Variants in RPAIN observed in about 807,000 individuals in gnomAD.
The protein encoded by RPAIN is RPA-interacting protein.
Under a neutral mutation model 30.5 loss-of-function variants are expected in RPAIN, and 29 were observed. The observed-to-expected ratio is 0.95, with a 90% CI of 0.71 to 1.30. RPAIN has a LOEUF of 1.30. Ranked by LOEUF, RPAIN falls within the 50% of genes most tolerant of loss-of-function variation. The probability of loss-of-function intolerance (pLI) is 0.00; values close to 1 mark genes in which losing one functional copy is unlikely to be tolerated. For missense variants in RPAIN, 247 were observed against 264.7 expected (o/e 0.93, Z 0.46); for synonymous variants, 101 against 93.5 (o/e 1.08, Z -0.46).
rs78172893 is a variant in RPAIN, at chr17:5,423,993, T to A, written c.313+1164T>A. ...ACAAAAAATTATTTTATTTATGTAT[T>A]TTTTTTTTTTTTGAGATAGGTTCTT... On this transcript the variant is annotated intron_variant, in intron 3 of 6. Transcript: ENST00000381209. Among the ~76,000 whole-genome samples the A allele has an allele frequency of 2.7e-4, 22 of 81,370 alleles. No individual in the cohort carries two copies. The East Asian group carries it at 0.057, about 212-fold the overall frequency. The allele number at this position is 81,370 out of a possible 152,430, so 53.4% of individuals were successfully genotyped here.
chr17:5,428,370 T>C, intron 6 of RPAIN, 159 bp downstream of exon 6: 6 of 1,513,244 alleles, frequency 4.0e-6, no homozygotes, highest in Non-Finnish European at 5.3e-6. Context: ...ACAAGTCATT[T>C]AGACTCAAAG....
At chr17:5,427,087 G>C (rs1035192319) in intron 5 of RPAIN, 3 of 152,102 alleles carry the variant, frequency 2.0e-5, no homozygotes, top group African/African-American at 7.2e-5. Context: ...AAATTTATTT[G>C]CCAGCCTTTG....
intron 3 of RPAIN, among the ~76,000 whole-genome samples, chr17:5,423,965 A>G (rs1298116382): frequency 6.6e-6 from 1 of 150,590 alleles, no homozygotes; most frequent in Non-Finnish European, 1.5e-5. Context: ...TGATAAAAAC[A>G]AGACAAAAAA....
At chr17:5,428,769 G>A in intron 6 of RPAIN, 1 of 1,000,516 alleles carries the variant, frequency 1.0e-6, no homozygotes, top group Non-Finnish European at 1.2e-6. Context: ...GTGTATGTAT[G>A]TATGTACATG....
At position 5,424,028 on chromosome 17, in the gene RPAIN, C is replaced by T. The variant is rs147616295; in HGVS notation, c.313+1199C>T. On this transcript the variant is annotated intron_variant, in intron 3 of 6. Coordinates refer to ENST00000381209, the MANE Select transcript of RPAIN (RefSeq NM_001033002.4). The stretch of plus-strand genomic sequence containing the variant: ...TTTGAGATAGGTTCTTGCTCTGTTG[C>T]CCAGGCTGGAGTGCAGTGATGTAAT... Among the ~76,000 whole-genome samples, 1,391 of 150,300 alleles carry T rather than the reference C, an allele frequency of 9.3e-3. 31 individuals carry two copies. The highest frequency in any genetic ancestry group is 0.056 in the Admixed American group (848 of 15,060).
chr17:5,432,691 T>A lies in RPAIN; in HGVS notation c.*120T>A. 9.3e-7 allele frequency: 1 copy of A among 1,080,692 alleles called. No individual in the cohort carries two copies. Among genetic ancestry groups the A allele is most frequent in the Non-Finnish European group, 1.4e-6 (1 of 735,124 alleles). The allele number at this position is 1,080,692 out of a possible 1,614,324, so 66.9% of individuals were successfully genotyped here. ...TTGTATTGAAACTTTTAAACAATAC[T>A]GAAGAAAAAAAAACTTTTCCGACAT... On this transcript the variant is annotated 3_prime_UTR_variant, in exon 7 of 7. Transcript: ENST00000381209.
At chr17:5,425,831 G>C in intron 3 of RPAIN, 140 bp from the exon 4 acceptor site, 1 of 613,970 alleles carries the variant, frequency 1.6e-6, no homozygotes, top group Non-Finnish European at 2.9e-6. Context: ...GCCTGAGAGA[G>C]CATAAAAACC....
rs1227671255 is a variant in RPAIN, at chr17:5,425,984, C to T, written c.327C>T (p.Ile109=). ...QELINQEQSI[I]SEYEKSLQFD... ...TTTGCCTTGCAGAGCAGTCCATCAT[C>T]AGCGAGTATGAGAAGAGCTTGCAGT... The change falls in exon 4 of 7, where the codon ATC becomes ATT. Residue 109 remains isoleucine, a synonymous_variant. Transcript: ENST00000381209. 6.2e-7 allele frequency: 1 copy of T among 1,613,222 alleles called. No individual in the cohort carries two copies. Among genetic ancestry groups the T allele is most frequent in the East Asian group, 2.2e-5 (1 of 44,898 alleles).
intron 6 of RPAIN, chr17:5,431,928 C>T (rs1916001370): frequency 6.8e-6 from 2 of 293,586 alleles, no homozygotes; most frequent in South Asian, 6.3e-5. Context: ...AGTTATTGAT[C>T]CCCTACTGCT....
At chr17:5,432,190 T>G in intron 6 of RPAIN, 1 of 247,792 alleles carries the variant, frequency 4.0e-6, no homozygotes, top group Non-Finnish European at 7.8e-6. Context: ...GAGTCTCATC[T>G]TCCTGCTGGG....
chr17:5,429,207 T>A, intron 6 of RPAIN: 1 of 983,740 alleles, frequency 1.0e-6, no homozygotes, highest in Non-Finnish European at 1.2e-6. Context: ...AGGAGGGTGA[T>A]CTCCTTTATG....
At chr17:5,425,517 AG>A (rs1200870693) in intron 3 of RPAIN, 1 of 361,062 alleles carries the variant, frequency 2.8e-6, no homozygotes, top group South Asian at 2.1e-5. Flanking sequence ...TGTGTTTGTT[AG>A]TAGAGATGGG....
At position 5,425,972 on chromosome 17, in the gene RPAIN, G is replaced by A. The variant is rs867083086; in HGVS notation, c.315G>A (p.Glu105=). ...EEIQQELINQ[E]QSIISEYEKS... is the part of the protein sequence containing the mutation. Reference sequence around the variant, plus strand: ...CCTCCAACTGCCTTTGCCTTGCAGAGCAGTCCATCATCAGCGAGTATGAGA... The same window carrying A: ...CCTCCAACTGCCTTTGCCTTGCAGAACAGTCCATCATCAGCGAGTATGAGA... Residue 105 remains glutamate, a splice_region_variant and synonymous_variant, in exon 4 of 7, where the codon GAG becomes GAA. Transcript: ENST00000381209. 1.2e-6 allele frequency: 2 copies of A among 1,611,146 alleles called. No homozygotes were observed. The highest frequency in any genetic ancestry group is 2.7e-5 in the African/African-American group (2 of 75,032).
intron 3 of RPAIN, 118 bp downstream of exon 3, chr17:5,422,947 C>T: frequency 2.6e-6 from 2 of 758,078 alleles, no homozygotes; most frequent in Non-Finnish European, 4.4e-6. Flanking sequence ...GTCAAGTGTC[C>T]AAAAGACTCC....
In RPAIN at chr17:5,432,564, T is replaced by C. The variant is rs934304575; in HGVS notation, c.653T>C (p.Ile218Thr). Reference sequence around the variant, plus strand: ...TAGGCCTGTGATACTTGGGCTGTGATCCTCTAGAGCCAGCTTGGACTCACA... The same window carrying C: ...TAGGCCTGTGATACTTGGGCTGTGACCCTCTAGAGCCAGCTTGGACTCACA... ...SCLACDTWAV[I>T]L The change falls in exon 7 of 7, where the codon ATC (isoleucine) becomes ACC (threonine). Residue 218 changes from isoleucine to threonine, a missense_variant. Physicochemically the swap from Ile to Thr is moderately conservative, Grantham distance 89. Coordinates refer to ENST00000381209, the MANE Select transcript of RPAIN (RefSeq NM_001033002.4). The C allele has an allele frequency of 6.2e-7, 1 of 1,614,034 alleles. No homozygotes were observed.
intron 3 of RPAIN, among the ~76,000 whole-genome samples, chr17:5,423,461 T>TG (rs1414250895): frequency 6.6e-6 from 1 of 151,956 alleles, no homozygotes; most frequent in African/African-American, 2.4e-5. Flanking sequence ...AAGGTTACAG[T>TG]GAGCTATAAT....
rs1915575107 is a variant in RPAIN, at chr17:5,428,105, G to A, written c.524G>A (p.Cys175Tyr). The A allele has an allele frequency of 1.2e-6, 2 of 1,614,048 alleles. No homozygotes were observed. The highest frequency in any genetic ancestry group is 1.7e-6 in the Non-Finnish European group (2 of 1,180,036). Residue 175 changes from cysteine to tyrosine, a missense_variant, in exon 6 of 7, where the codon TGT becomes TAT. Transcript: ENST00000381209. ...SELTEQKLRA[C>Y]LEGSINEHSA... ...TTGACAGAGCAGAAGCTTCGTGCCT[G>A]TTTAGAGGGTAGTATAAATGAGCAC...
At chr17:5,422,298 G>C (rs1914942938) in intron 2 of RPAIN, among the ~76,000 whole-genome samples, 1 of 152,138 alleles carries the variant, frequency 6.6e-6, no homozygotes, top group Non-Finnish European at 1.5e-5. Flanking sequence ...AGAAAATGTG[G>C]GCAACTGTTT....
rs1169261225 is a variant in RPAIN at position 5,420,355 on chromosome 17, C to CT, written c.81+66dup. 1.1e-5 allele frequency: 16 copies of CT among 1,434,596 alleles called. 1 individual carries two copies. The African/African-American group carries it at 1.7e-4, about 15-fold the overall frequency. The allele number at this position is 1,434,596 out of a possible 1,614,324, so 88.9% of individuals were successfully genotyped here. On this transcript the variant is annotated intron_variant, in intron 1 of 6. Transcript: ENST00000381209. ...TCCCGGTGACCGCCGTCTTCCCTGC[C>CT]TTCGCCTTAGCCCTGCTCCGTGGAG...
Sources: allele counts gnomAD v4.1 joint callset (sites outside exome capture counted in the v4.1 genomes callset), GRCh38; gene constraint gnomAD v4.1.1; transcripts MANE v1.5; gene names NCBI Gene and HGNC (gene_info 2026-07-23, HGNC 2026-07-21).